CPVL: variants seen among roughly 807,000 people sequenced by gnomAD.
The protein encoded by CPVL is carboxypeptidase vitellogenic like.
CPVL carries 51 observed loss-of-function variants against 63.7 expected under a neutral mutation model. The ratio of observed to expected loss-of-function variants is 0.80; its 90% CI spans 0.64 to 1.01. The LOEUF (loss-of-function observed/expected upper bound fraction) is 1.01, where lower values mean the gene tolerates loss of function less well. CPVL is among the 50% of genes least tolerant of loss of function. CPVL has a pLI of 0.00. For synonymous variants in CPVL, 195 were observed against 206.0 expected (o/e 0.95, Z 0.46); for missense variants, 530 against 573.1 (o/e 0.92, Z 0.77).
At chr7:29,073,993 G>A (rs1321683792) in intron 7 of CPVL, among the ~76,000 whole-genome samples, 1 of 152,016 alleles carries the variant, frequency 6.6e-6, no homozygotes, top group Non-Finnish European at 1.5e-5. Context: ...GCCCTCCAGG[G>A]GTCTGTAGTT....
chr7:29,152,803 C>G (rs1562796657), intron 5 of CPVL, among the ~76,000 whole-genome samples: 1 of 152,214 alleles, frequency 6.6e-6, no homozygotes, highest in Non-Finnish European at 1.5e-5. Context: ...TGACAAGAAA[C>G]AGGCAAGCAA....
chr7:29,148,086 A>G (rs952628959), upstream of CPVL, among the ~76,000 whole-genome samples: 6 of 152,226 alleles, frequency 3.9e-5, no homozygotes, highest in African/African-American at 1.4e-4. Flanking sequence ...CACCAGAGTC[A>G]GCAATGTTCG....
intron 5 of CPVL, among the ~76,000 whole-genome samples, chr7:29,163,019 A>G (rs1028087616): frequency 3.3e-5 from 5 of 152,222 alleles, no homozygotes; most frequent in Admixed American, 1.3e-4. Context: ...GTACCAATCA[A>G]TATCCTTGTT....
intron 1 of CPVL, among the ~76,000 whole-genome samples, chr7:29,124,508 A>G (rs750561104): frequency 1.2e-4 from 19 of 152,152 alleles, no homozygotes; most frequent in Admixed American, 7.9e-4. Context: ...AACCTTAAAT[A>G]TTAAAGTTGA....
At chr7:29,177,335 C>T (rs1385627727) in intron 5 of CPVL, among the ~76,000 whole-genome samples, 2 of 151,894 alleles carry the variant, frequency 1.3e-5, no homozygotes, top group Non-Finnish European at 2.9e-5. Context: ...CTCACTGCAA[C>T]CTCTGCCTCC....
chr7:29,141,427 G>A (rs1259542936), intron 1 of CPVL, among the ~76,000 whole-genome samples: 1 of 152,066 alleles, frequency 6.6e-6, no homozygotes, highest in African/African-American at 2.4e-5. Context: ...GCACATGCCT[G>A]TAGTCCCAGC....
chr7:29,148,777 T>C (rs567621874), upstream of CPVL: 1 of 151,886 alleles, frequency 6.6e-6, no homozygotes, highest in South Asian at 2.1e-4. Flanking sequence ...AGTTTAGTTG[T>C]GGGGAAGGGA....
At chr7:29,078,042 G>A (rs930593273) in intron 7 of CPVL, among the ~76,000 whole-genome samples, 6 of 152,034 alleles carry the variant, frequency 3.9e-5, no homozygotes, top group Non-Finnish European at 8.8e-5. Context: ...TGTGGTAATC[G>A]CTATAACTTC....
In CPVL at chr7:29,003,181, CACACACAG is replaced by C. The variant is rs879831736; in HGVS notation, c.1321-7307_1321-7300del. 9.4e-3 allele frequency among the ~76,000 whole-genome samples: 551 copies of C among 58,880 alleles called. 2 individuals carry two copies. The highest frequency in any genetic ancestry group is 0.044 in the African/African-American group (302 of 6,852). The allele number at this position is 58,880 out of a possible 152,430, so 38.6% of individuals were successfully genotyped here. ...ACACACACACACACACACACACACACACACACAGAGAGAATAGCATTTTGCTAAAAGCA... is the reference window on the plus strand; with the variant it reads ...ACACACACACACACACACACACACACAGAGAATAGCATTTTGCTAAAAGCA... On this transcript the variant is annotated intron_variant, in intron 12 of 12. Transcript: ENST00000265394.
rs1030584554 is a variant in CPVL, at chr7:29,071,659, G to C, written c.864+114C>G. The C allele has an allele frequency of 1.1e-5, 13 of 1,181,002 alleles. 1 individual carries two copies. The highest frequency in any genetic ancestry group is 2.5e-4 in the Middle Eastern group (1 of 4,022). The allele number at this position is 1,181,002 out of a possible 1,614,324, so 73.2% of individuals were successfully genotyped here. ...CCTCCCGATCTCCAATGGAATAACA[G>C]ATATACCTTCTTAACAAAAAAATGC... On this transcript the variant is annotated intron_variant, in intron 9 of 12. Coordinates refer to ENST00000265394, the MANE Select transcript of CPVL (RefSeq NM_031311.5).
At chr7:29,155,099 G>A (rs1464066459) in intron 5 of CPVL, among the ~76,000 whole-genome samples, 1 of 152,066 alleles carries the variant, frequency 6.6e-6, no homozygotes, top group African/African-American at 2.4e-5. Flanking sequence ...CTGCCCCCAT[G>A]ATTCAATTAC....
At chr7:29,051,905 TATATATATATTCCAC>T (rs1455850408) in intron 11 of CPVL, among the ~76,000 whole-genome samples, 4 of 145,944 alleles carry the variant, frequency 2.7e-5, no homozygotes, top group East Asian at 3.9e-4. Flanking sequence ...AATATAAATA[TATATATATATTCCAC>T]ATATATATAT....
chr7:29,135,584 A>T (rs1349113202), intron 1 of CPVL, among the ~76,000 whole-genome samples: 2 of 152,138 alleles, frequency 1.3e-5, no homozygotes, highest in Non-Finnish European at 2.9e-5. Context: ...CACCCACCTC[A>T]GCCTCCCAAA....
At chr7:29,043,718 C>T (rs1789348049) in intron 11 of CPVL, among the ~76,000 whole-genome samples, 1 of 152,110 alleles carries the variant, frequency 6.6e-6, no homozygotes. Context: ...AAGTAGATGG[C>T]ACAGATTGAC....
intron 5 of CPVL, among the ~76,000 whole-genome samples, chr7:29,158,942 A>T (rs1257512284): frequency 6.6e-6 from 1 of 152,200 alleles, no homozygotes; most frequent in Non-Finnish European, 1.5e-5. Flanking sequence ...CTGAAAACTG[A>T]TTTCCAAATA....
intron 6 of CPVL, among the ~76,000 whole-genome samples, chr7:29,089,267 G>A (rs1404284235): frequency 1.3e-5 from 2 of 152,154 alleles, no homozygotes; most frequent in Non-Finnish European, 2.9e-5. Context: ...TGGATGCAGG[G>A]CAGAAAAGGT....
At chr7:29,046,654 A>G (rs1204290254) in intron 11 of CPVL, among the ~76,000 whole-genome samples, 5 of 152,120 alleles carry the variant, frequency 3.3e-5, no homozygotes, top group Non-Finnish European at 7.4e-5. Context: ...CAAGGCAGGA[A>G]CTATAACCAG....
chr7:29,194,883 C>A, intron 1 of CPVL: 3 of 1,383,438 alleles, frequency 2.2e-6, no homozygotes, highest in Non-Finnish European at 2.8e-6. Context: ...CGGGCGAGGG[C>A]AGCGGCGGCG....
intron 11 of CPVL, among the ~76,000 whole-genome samples, chr7:29,035,674 A>AC (rs1474991106): frequency 6.6e-6 from 1 of 152,150 alleles, no homozygotes; most frequent in Non-Finnish European, 1.5e-5. Flanking sequence ...AGTGCCTGGT[A>AC]CCCCATAAAA....
Sources: gnomAD v4.1 joint callset for allele counts (sites outside exome capture counted in the v4.1 genomes callset) on GRCh38, gnomAD v4.1.1 for gene constraint, MANE v1.5 for transcripts, NCBI Gene and HGNC (gene_info 2026-07-23, HGNC 2026-07-21) for gene names.